RHOT1: variants seen among roughly 807,000 people sequenced by gnomAD.
The protein encoded by RHOT1 is ras homolog family member T1.
A neutral mutation model predicts 95.3 loss-of-function variants in RHOT1; 27 were observed. The ratio of observed to expected loss-of-function variants is 0.28; its 90% CI spans 0.21 to 0.39. The LOEUF is 0.39. RHOT1 is among the 10% of genes least tolerant of loss of function. RHOT1 has a pLI of 1.00. For missense variants in RHOT1, 578 were observed against 786.7 expected (o/e 0.73, Z 3.17); for synonymous variants, 227 against 263.5 (o/e 0.86, Z 1.34).
intron 9 of RHOT1, 37 bp from the exon 10 acceptor site, chr17:32,193,099 G>C: frequency 7.8e-7 from 1 of 1,285,636 alleles, no homozygotes; most frequent in Non-Finnish European, 1.1e-6. Context: ...TTTTAACGCT[G>C]GTTTGTTTTT....
chr17:32,183,244 G>A lies in RHOT1; in HGVS notation c.512G>A (p.Gly171Glu), dbSNP rs1459251202. The A allele has an allele frequency of 6.5e-7, 1 of 1,543,626 alleles. No individual in the cohort carries two copies. The highest frequency in any genetic ancestry group is 1.3e-5 in the South Asian group (1 of 79,486). Residue 171 changes from glycine to glutamate, a missense_variant, in exon 8 of 20, where the codon GGG becomes GAG. Transcript: ENST00000545287. ...CAGAAAGCTGTTCTTCATCCTACAG[G>A]GCCCCTGTACTGCCCAGAGGAGAAG... ...YAQKAVLHPT[G>E]PLYCPEEKEM...
intron 1 of RHOT1, chr17:32,143,079 G>T (rs1179737594): frequency 3.2e-6 from 2 of 627,314 alleles, no homozygotes; most frequent in Non-Finnish European, 6.1e-6. Context: ...TGTCCTTCTG[G>T]GCCTCACAGT....
intron 1 of RHOT1, chr17:32,151,276 T>C: frequency 4.4e-6 from 3 of 679,844 alleles, no homozygotes; most frequent in Non-Finnish European, 8.4e-6. Flanking sequence ...CTTGATGCCT[T>C]CTCCATATTG....
intron 1 of RHOT1, among the ~76,000 whole-genome samples, chr17:32,149,788 G>T (rs572035947): frequency 5.3e-5 from 8 of 151,426 alleles, no homozygotes; most frequent in Non-Finnish European, 1.2e-4. Context: ...TCACTCTGTT[G>T]CCCAGGCTGG....
In RHOT1 at chr17:32,179,516, C is replaced by T. The variant is rs572607278; in HGVS notation, c.330-3241C>T. On this transcript the variant is annotated intron_variant, in intron 6 of 19. Coordinates refer to ENST00000545287, the MANE Select transcript of RHOT1 (RefSeq NM_001033566.3). ...CTGGGAAGTGAGGAGCGCCTCTGCC[C>T]GGCCGCCCCGTCTGGGAAGTGAGGA... 6.7e-4 allele frequency: 90 copies of T among 135,294 alleles called. 1 individual carries two copies. The highest frequency in any genetic ancestry group is 1.4e-3 in the African/African-American group (48 of 35,268). 8.4% of individuals were successfully genotyped at this position (135,294 alleles called of 1,614,324 possible).
chr17:32,199,652 C>A, intron 13 of RHOT1, 102 bp downstream of exon 13: 5 of 977,334 alleles, frequency 5.1e-6, no homozygotes, highest in Non-Finnish European at 7.3e-6. Context: ...TTATGAAATT[C>A]TTCAATCATA....
chr17:32,147,995 G>A (rs1054565357), intron 1 of RHOT1, among the ~76,000 whole-genome samples: 3 of 152,194 alleles, frequency 2.0e-5, no homozygotes, highest in African/African-American at 7.2e-5. Flanking sequence ...GTGGGGCGCA[G>A]TGGCTCACGC....
chr17:32,151,335 C>T (rs1598284806), intron 1 of RHOT1: 1 of 623,122 alleles, frequency 1.6e-6, no homozygotes, highest in East Asian at 3.7e-5. Context: ...TCACTTGAAC[C>T]TGGGAGGTTG....
intron 8 of RHOT1, among the ~76,000 whole-genome samples, chr17:32,186,361 C>T (rs930762255): frequency 1.3e-5 from 2 of 150,276 alleles, no homozygotes; most frequent in African/African-American, 4.9e-5. Context: ...AAAGTCCTTT[C>T]CCATTTTTTT....
intron 6 of RHOT1, among the ~76,000 whole-genome samples, chr17:32,177,383 G>T (rs1374488166): frequency 6.6e-6 from 1 of 152,116 alleles, no homozygotes; most frequent in African/African-American, 2.4e-5. Flanking sequence ...GGATGCCTTG[G>T]GGGATCCAAT....
At chr17:32,144,281 C>T (rs1161152874) in intron 1 of RHOT1, among the ~76,000 whole-genome samples, 1 of 152,148 alleles carries the variant, frequency 6.6e-6, no homozygotes, top group African/African-American at 2.4e-5. Flanking sequence ...GGCACTGTGG[C>T]TCATGCCTGT....
At chr17:32,200,023 A>G (rs915308655) in intron 13 of RHOT1, among the ~76,000 whole-genome samples, 1 of 149,314 alleles carries the variant, frequency 6.7e-6, no homozygotes, top group Admixed American at 6.7e-5. Context: ...GCTCACTGCA[A>G]CTCTGCCTCC....
At chr17:32,164,590 A>G (rs1042468005) in intron 1 of RHOT1, among the ~76,000 whole-genome samples, 3 of 151,654 alleles carry the variant, frequency 2.0e-5, no homozygotes, top group African/African-American at 4.8e-5. Flanking sequence ...CTGAGGCTGA[A>G]TGTGGTGGCT....
chr17:32,187,049 G>A (rs984739966), intron 8 of RHOT1, among the ~76,000 whole-genome samples: 2 of 151,984 alleles, frequency 1.3e-5, no homozygotes, highest in Admixed American at 1.3e-4. Flanking sequence ...CACTTTGGGA[G>A]GCTGAGGCAG....
intron 19 of RHOT1, among the ~76,000 whole-genome samples, chr17:32,217,483 G>A (rs549932815): frequency 3.4e-4 from 52 of 152,210 alleles, no homozygotes; most frequent in African/African-American, 1.1e-3. Context: ...ACAGCCAGGC[G>A]CCTTGGCTCA....
intron 1 of RHOT1, chr17:32,160,056 C>T (rs1567661290): frequency 6.6e-6 from 1 of 152,310 alleles, no homozygotes; most frequent in African/African-American, 2.4e-5. Flanking sequence ...GAGACGACGG[C>T]ATGACCTGCC....
In RHOT1 at chr17:32,146,612, ATTTTTTTTT is replaced by A. The variant is rs778057684; in HGVS notation, c.37+3894_37+3902del. On this transcript the variant is annotated intron_variant, in intron 1 of 19. Coordinates refer to ENST00000545287, the MANE Select transcript of RHOT1 (RefSeq NM_001033566.3). ...AGGTGCCCACCACCACGCCCGGCTA[ATTTTTTTTT>A]TTTTTTTTTTGTATTTTTAGTAGAG... Among the ~76,000 whole-genome samples the A allele has an allele frequency of 5.6e-3, 715 of 127,442 alleles. 8 individuals are homozygous for A. The highest frequency in any genetic ancestry group is 0.019 in the African/African-American group (660 of 33,934). The allele number at this position is 127,442 out of a possible 152,430, so 83.6% of individuals were successfully genotyped here.
intron 1 of RHOT1, among the ~76,000 whole-genome samples, chr17:32,170,610 CTATG>C (rs1445237302): frequency 6.6e-6 from 1 of 152,152 alleles, no homozygotes; most frequent in Non-Finnish European, 1.5e-5. Context: ...TCAACAAAAA[CTATG>C]TACCCATTAA....
chr17:32,222,457 C>T (rs1234675015), intron 19 of RHOT1, among the ~76,000 whole-genome samples: 3 of 152,118 alleles, frequency 2.0e-5, no homozygotes, highest in Admixed American at 1.3e-4. Context: ...CTTGGTATTT[C>T]AGATGCACCA....
Sources: allele counts gnomAD v4.1 joint callset (sites outside exome capture counted in the v4.1 genomes callset), GRCh38; gene constraint gnomAD v4.1.1; transcripts MANE v1.5; gene names NCBI Gene and HGNC (gene_info 2026-07-23, HGNC 2026-07-21).